Variants in SLCO3A1 observed in about 807,000 individuals in gnomAD.
The protein encoded by SLCO3A1 is PGE1 transporter.
In SLCO3A1, 27 loss-of-function variants were observed where a neutral mutation model predicts 63.1. That is an observed-to-expected ratio of 0.43 (90% CI 0.32 to 0.59). The LOEUF is 0.59. Ranked by LOEUF, SLCO3A1 falls within the 20% of genes least tolerant of loss-of-function variation. SLCO3A1 has a pLI of 0.09. For synonymous variants in SLCO3A1, 473 were observed against 409.9 expected, an observed-to-expected ratio of 1.15 and a Z score of -1.86; for missense variants, 773 against 945.8, an observed-to-expected ratio of 0.82 and a Z score of 2.40.
At chr15:91,980,733 C>T (rs980972438) in intron 2 of SLCO3A1, among the ~76,000 whole-genome samples, 1 of 152,040 alleles carries the variant, frequency 6.6e-6, no homozygotes, top group African/African-American at 2.4e-5. Context: ...GCCCTGGTGC[C>T]CCTTGAACAA....
intron 7 of SLCO3A1, among the ~76,000 whole-genome samples, chr15:92,144,766 G>A (rs368355490): frequency 1.2e-4 from 19 of 152,308 alleles, no homozygotes; most frequent in East Asian, 1.2e-3. Context: ...AGCCTTAGGC[G>A]GGACAGTAGT....
intron 2 of SLCO3A1, among the ~76,000 whole-genome samples, chr15:92,007,157 T>C (rs1039077534): frequency 2.6e-5 from 4 of 152,242 alleles, no homozygotes; most frequent in African/African-American, 4.8e-5. Context: ...TATATATATG[T>C]TCTCAATGAG....
At chr15:91,876,755 T>G (rs1897410359) in intron 1 of SLCO3A1, among the ~76,000 whole-genome samples, 1 of 152,174 alleles carries the variant, frequency 6.6e-6, no homozygotes, top group Admixed American at 6.5e-5. Flanking sequence ...TAGGCCTGCT[T>G]TTGTTTTGCA....
intron 2 of SLCO3A1, among the ~76,000 whole-genome samples, chr15:91,936,430 TG>T (rs1899416466): frequency 6.6e-6 from 1 of 152,228 alleles, no homozygotes; most frequent in Non-Finnish European, 1.5e-5. Context: ...AGTAGCCACA[TG>T]TGACTGTTGG....
chr15:91,966,355 C>T (rs1017034261), intron 2 of SLCO3A1, among the ~76,000 whole-genome samples: 1 of 152,108 alleles, frequency 6.6e-6, no homozygotes, highest in Non-Finnish European at 1.5e-5. Context: ...AGTGGAGGGA[C>T]GGACAGCTCA....
rs1897004564 is a variant in SLCO3A1 at position 91,859,751 on chromosome 15, C to G, written c.180+5663C>G. The stretch of plus-strand genomic sequence containing the variant: ...ACATGTAAAGCACCTTGAACAATAT[C>G]TGGCACATAGTGAGTGCCCAGGAAA... On this transcript the variant is annotated intron_variant, in intron 1 of 9. Coordinates refer to ENST00000318445, the MANE Select transcript of SLCO3A1 (RefSeq NM_013272.4). The surrounding 1 kb of genome is among the most constrained non-coding windows in gnomAD (Gnocchi z 5.1). Among the ~76,000 whole-genome samples, 1 of 152,206 alleles carries G rather than the reference C, an allele frequency of 6.6e-6. No individual in the cohort carries two copies. The highest frequency in any genetic ancestry group is 6.5e-5 in the Admixed American group (1 of 15,282).
At chr15:91,881,822 C>G (rs371700970) in intron 1 of SLCO3A1, among the ~76,000 whole-genome samples, 3 of 152,162 alleles carry the variant, frequency 2.0e-5, no homozygotes, top group African/African-American at 7.2e-5. Context: ...GTTTTCTTAG[C>G]GCAAGCAGCA....
In SLCO3A1 at chr15:92,120,493, C is replaced by G; in HGVS notation, c.1038C>G (p.Leu346=). 1 of 1,614,162 alleles carries G rather than the reference C, an allele frequency of 6.2e-7. No individual in the cohort carries two copies. Among genetic ancestry groups the G allele is most frequent in the Non-Finnish European group, 8.5e-7 (1 of 1,180,024 alleles). The part of the protein sequence containing the change: ...RVIPKVTKHL[L]SNPVFTCIIL... ...TCCCGAAGGTCACCAAGCACCTGCTCTCAAACCCTGTGTTCACCTGCATCA... is the reference window on the plus strand; with the variant it reads ...TCCCGAAGGTCACCAAGCACCTGCTGTCAAACCCTGTGTTCACCTGCATCA... The change falls in exon 5 of 10, where the codon CTC becomes CTG. Residue 346 remains leucine (L), a synonymous_variant. Transcript: ENST00000318445.
chr15:92,147,193 T>G (rs2048237999), intron 8 of SLCO3A1, 34 bp downstream of exon 8: 2 of 1,585,486 alleles, frequency 1.3e-6, no homozygotes, highest in East Asian at 4.5e-5. Context: ...CTCTCCTCCT[T>G]TCCACCTGGT....
intron 2 of SLCO3A1, among the ~76,000 whole-genome samples, chr15:91,998,271 T>C (rs1567058805): frequency 6.6e-6 from 1 of 152,086 alleles, no homozygotes. Context: ...GTAGCCCACA[T>C]GGTGAAATCC....
chr15:91,861,277 TCATC>T (rs1217560161), intron 1 of SLCO3A1, among the ~76,000 whole-genome samples: 4 of 152,142 alleles, frequency 2.6e-5, no homozygotes, highest in Non-Finnish European at 5.9e-5. Flanking sequence ...AGGGGAGCCT[TCATC>T]CATGAGTTCC....
At chr15:91,972,438 T>C (rs925175877) in intron 2 of SLCO3A1, among the ~76,000 whole-genome samples, 1 of 152,094 alleles carries the variant, frequency 6.6e-6, no homozygotes, top group Non-Finnish European at 1.5e-5. Context: ...CTCCATGACG[T>C]GAGGGTACAC....
intron 2 of SLCO3A1, among the ~76,000 whole-genome samples, chr15:91,962,978 T>G (rs1900506142): frequency 6.6e-6 from 1 of 152,194 alleles, no homozygotes; most frequent in Non-Finnish European, 1.5e-5. Context: ...GTGATTAACT[T>G]CTTCCAATCT....
intron 4 of SLCO3A1, among the ~76,000 whole-genome samples, chr15:92,106,512 G>A (rs2047669764): frequency 6.6e-6 from 1 of 152,164 alleles, no homozygotes; most frequent in Non-Finnish European, 1.5e-5. Context: ...GCATGAGAGT[G>A]TGGCTTTCAA....
intron 2 of SLCO3A1, among the ~76,000 whole-genome samples, chr15:92,014,871 A>G (rs2046408416): frequency 6.6e-6 from 1 of 151,946 alleles, no homozygotes; most frequent in African/African-American, 2.4e-5. Flanking sequence ...GTGGAGGAGG[A>G]GGGTAAGGAG....
chr15:91,922,919 A>G (rs925894238), intron 2 of SLCO3A1, among the ~76,000 whole-genome samples: 1 of 152,138 alleles, frequency 6.6e-6, no homozygotes, highest in African/African-American at 2.4e-5. Context: ...TGGTGCTTCC[A>G]TATTGCCTGG....
chr15:91,934,196 T>C (rs1280444622), intron 2 of SLCO3A1, among the ~76,000 whole-genome samples: 1 of 152,184 alleles, frequency 6.6e-6, no homozygotes, highest in East Asian at 1.9e-4. Flanking sequence ...ACCAGGTGGA[T>C]GTCTGTACCC....
intron 2 of SLCO3A1, among the ~76,000 whole-genome samples, chr15:91,964,958 C>T (rs947488710): frequency 6.6e-6 from 1 of 151,988 alleles, no homozygotes; most frequent in Admixed American, 6.6e-5. Context: ...GGCCAGCAGT[C>T]CTACCTCTAG....
intron 2 of SLCO3A1, among the ~76,000 whole-genome samples, chr15:91,959,976 A>G (rs1900381441): frequency 6.6e-6 from 1 of 151,986 alleles, no homozygotes; most frequent in East Asian, 2.0e-4. Flanking sequence ...GAATCATACA[A>G]TATGTGGCCT....
Sources: gnomAD v4.1 joint callset for allele counts (sites outside exome capture counted in the v4.1 genomes callset) on GRCh38, gnomAD v4.1.1 for gene constraint, Gnocchi (gnomAD v3.1) non-coding constraint, MANE v1.5 for transcripts, NCBI Gene and HGNC (gene_info 2026-07-23, HGNC 2026-07-21) for gene names.